Variants in PARD3 observed in about 807,000 individuals in gnomAD.
PARD3 encodes partitioning defective 3 homolog.
Under a neutral mutation model 155.4 loss-of-function variants are expected in PARD3, and 75 were observed. The ratio of observed to expected loss-of-function variants is 0.48; its 90% CI spans 0.40 to 0.58. PARD3 has a LOEUF of 0.58. Among genes scored for constraint, PARD3 ranks in the 20% least tolerant of loss-of-function variants. The pLI, the probability that PARD3 is intolerant of heterozygous loss-of-function variation, is 0.00. For synonymous variants in PARD3, 576 were observed against 610.5 expected, an observed-to-expected ratio of 0.94 and a Z score of 0.83; for missense variants, 1,642 against 1,721.7, an observed-to-expected ratio of 0.95 and a Z score of 0.82.
chr10:34,372,467 C>G (rs1211476839), intron 12 of PARD3, 31 bp downstream of exon 12: 2 of 1,558,480 alleles, frequency 1.3e-6, no homozygotes, highest in Admixed American at 1.7e-5. Context: ...TTTCCAACAT[C>G]TCTGCATCCT....
intron 2 of PARD3, among the ~76,000 whole-genome samples, chr10:34,593,980 G>A (rs1457684642): frequency 1.3e-5 from 2 of 152,114 alleles, no homozygotes; most frequent in Non-Finnish European, 2.9e-5. Flanking sequence ...AGGAATAATG[G>A]GGCATGGTTT....
At chr10:34,579,482 A>G (rs1343668370) in intron 2 of PARD3, among the ~76,000 whole-genome samples, 1 of 151,186 alleles carries the variant, frequency 6.6e-6, no homozygotes, top group East Asian at 1.9e-4. Context: ...AAAATCAATG[A>G]AAAAAAATAC....
intron 22 of PARD3, among the ~76,000 whole-genome samples, chr10:34,170,762 G>C (rs939890654): frequency 4.6e-5 from 7 of 152,186 alleles, no homozygotes; most frequent in African/African-American, 1.7e-4. Flanking sequence ...AAAGCCTACA[G>C]CAAGAGGGAA....
chr10:34,353,135 G>A (rs1173280195), intron 14 of PARD3, among the ~76,000 whole-genome samples: 1 of 152,048 alleles, frequency 6.6e-6, no homozygotes, highest in Non-Finnish European at 1.5e-5. Context: ...GAAGTGGGGG[G>A]CAGCCCCCGC....
At chr10:34,691,533 G>A (rs924926659) in intron 2 of PARD3, among the ~76,000 whole-genome samples, 2 of 152,208 alleles carry the variant, frequency 1.3e-5, no homozygotes. Flanking sequence ...GCAATTTACA[G>A]ATTCAATGCT....
intron 3 of PARD3, among the ~76,000 whole-genome samples, chr10:34,499,341 T>C (rs2080513421): frequency 6.6e-6 from 1 of 152,232 alleles, no homozygotes; most frequent in Non-Finnish European, 1.5e-5. Context: ...TCAGTAGCTA[T>C]GTTTTCTAAT....
At chr10:34,144,655 T>C (rs566083139) in intron 22 of PARD3, among the ~76,000 whole-genome samples, 1 of 152,352 alleles carries the variant, frequency 6.6e-6, no homozygotes, top group South Asian at 2.1e-4. Context: ...TAAACACACC[T>C]GTTGACTTCC....
intron 1 of PARD3, among the ~76,000 whole-genome samples, chr10:34,771,799 A>G (rs1383216711): frequency 6.6e-6 from 1 of 152,222 alleles, no homozygotes; most frequent in Non-Finnish European, 1.5e-5. Context: ...GTAGAAACAA[A>G]GGAGTTTTTC....
intron 2 of PARD3, among the ~76,000 whole-genome samples, chr10:34,576,259 G>A (rs955601936): frequency 6.6e-6 from 1 of 152,182 alleles, no homozygotes; most frequent in Non-Finnish European, 1.5e-5. Context: ...ACATAATACA[G>A]TTCGCTTGCC....
intron 1 of PARD3, among the ~76,000 whole-genome samples, chr10:34,784,833 C>G (rs1452540076): frequency 1.3e-5 from 2 of 152,206 alleles, no homozygotes; most frequent in Non-Finnish European, 2.9e-5. Context: ...TATCCTCACA[C>G]TGTCAAGCGG....
At chr10:34,433,030 T>G (rs2076023824) in intron 5 of PARD3, among the ~76,000 whole-genome samples, 1 of 152,224 alleles carries the variant, frequency 6.6e-6, no homozygotes, top group Admixed American at 6.5e-5. Flanking sequence ...GGGGGAAAAC[T>G]GCACATGTAC....
At chr10:34,227,856 T>TATATATATA (rs1554814034) in intron 22 of PARD3, among the ~76,000 whole-genome samples, 1,222 of 82,188 alleles carry the variant, frequency 0.015, 40 homozygotes, top group Non-Finnish European at 0.02. Flanking sequence ...GAATTATTTT[T>TATATATATA]TATATATATA....
Position 34,782,633 on chromosome 10 carries a change from T to TA in PARD3, c.120+32242dup. ...CACTGTTACCTCTACCCCAGCAACT[T>TA]ACGGAGATTAATTTTTCTCCCATCC... is the stretch of plus-strand genomic sequence containing the variant. On this transcript the variant is annotated intron_variant, in intron 1 of 24. Coordinates refer to ENST00000374788, the MANE Select transcript of PARD3 (RefSeq NM_001184785.2). Among the ~76,000 whole-genome samples, 4 of 152,312 alleles carry TA rather than the reference T, an allele frequency of 2.6e-5. No homozygotes were observed. In the Middle Eastern group the frequency reaches 0.014, roughly 518 times the overall value.
chr10:34,261,378 C>T (rs988230472), intron 22 of PARD3, among the ~76,000 whole-genome samples: 30 of 152,190 alleles, frequency 2.0e-4, no homozygotes, highest in African/African-American at 6.3e-4. Context: ...GGAAAAGAAA[C>T]TTTCTGGTGT....
At chr10:34,158,278 C>T (rs548621412) in intron 22 of PARD3, among the ~76,000 whole-genome samples, 3 of 152,274 alleles carry the variant, frequency 2.0e-5, no homozygotes, top group African/African-American at 7.2e-5. Context: ...ATTAGAGTCA[C>T]CAAGACCCAT....
intron 24 of PARD3, among the ~76,000 whole-genome samples, chr10:34,112,995 T>C (rs1371163359): frequency 6.6e-6 from 1 of 152,212 alleles, no homozygotes; most frequent in Non-Finnish European, 1.5e-5. Context: ...TTATCTTCAC[T>C]TAAGTCATAA....
chr10:34,260,933 G>A (rs1954924426), intron 22 of PARD3, among the ~76,000 whole-genome samples: 1 of 152,200 alleles, frequency 6.6e-6, no homozygotes, highest in South Asian at 2.1e-4. Context: ...TTTAACGGGA[G>A]GGGAAACAAG....
chr10:34,187,103 G>C (rs1266264908), intron 22 of PARD3, among the ~76,000 whole-genome samples: 1 of 152,186 alleles, frequency 6.6e-6, no homozygotes, highest in Non-Finnish European at 1.5e-5. Context: ...TTATTGCTAC[G>C]TGAAGTCTTG....
chr10:34,456,534 G>GCGAT (rs1257408652), intron 4 of PARD3, among the ~76,000 whole-genome samples: 1 of 152,064 alleles, frequency 6.6e-6, no homozygotes, highest in Admixed American at 6.5e-5. Context: ...CTGACCTCAG[G>GCGAT]CGATCCGCTC....
Sources: allele counts gnomAD v4.1 joint callset (sites outside exome capture counted in the v4.1 genomes callset), GRCh38; gene constraint gnomAD v4.1.1; transcripts MANE v1.5; gene names NCBI Gene and HGNC (gene_info 2026-07-23, HGNC 2026-07-21).